The following TRHR variants were observed in gnomAD, a reference collection of about 807,000 sequenced individuals.
The protein encoded by TRHR is thyrotropin-releasing hormone receptor.
A neutral mutation model predicts 28.0 loss-of-function variants in TRHR; 14 were observed. That is an observed-to-expected ratio of 0.50 (90% CI 0.33 to 0.78). The LOEUF is 0.78. TRHR is among the 30% of genes least tolerant of loss of function. The pLI, the probability that TRHR is intolerant of heterozygous loss-of-function variation, is 0.02. For missense variants in TRHR, 438 were observed against 469.5 expected, an observed-to-expected ratio of 0.93 and a Z score of 0.62; for synonymous variants, 176 against 171.9, an observed-to-expected ratio of 1.02 and a Z score of -0.18.
chr8:109,112,055 T>A (rs1162460672), intron 2 of TRHR, among the ~76,000 whole-genome samples: 1 of 152,178 alleles, frequency 6.6e-6, no homozygotes, highest in African/African-American at 2.4e-5. Context: ...AAAAGTCATA[T>A]GACCTGCCCA....
rs1812001691 is a variant in TRHR, at chr8:109,121,094, T to TG, written c.*1640dup. ...ATTCTAGAGTGCGCTTTTTTTTTTT[T>TG]GAAAATTGGCCTTATCTACTCCAGC... On this transcript the variant is annotated 3_prime_UTR_variant, in exon 3 of 3. Coordinates refer to ENST00000518632, the MANE Select transcript of TRHR (RefSeq NM_003301.7). Among the ~76,000 whole-genome samples the TG allele has an allele frequency of 6.6e-6, 1 of 151,036 alleles. No individual in the cohort carries two copies. The highest frequency in any genetic ancestry group is 1.5e-5 in the Non-Finnish European group (1 of 67,564).
chr8:109,118,003 A>C (rs1586197460), intron 2 of TRHR, among the ~76,000 whole-genome samples: 1 of 152,016 alleles, frequency 6.6e-6, no homozygotes, highest in Non-Finnish European at 1.5e-5. Context: ...CATCCTACCT[A>C]TTGTCTTACT....
At chr8:109,098,498 T>G (rs1811628739) in intron 2 of TRHR, among the ~76,000 whole-genome samples, 1 of 152,130 alleles carries the variant, frequency 6.6e-6, no homozygotes, top group African/African-American at 2.4e-5. Flanking sequence ...GCTAGAATCA[T>G]CTAAAATGCA....
intron 2 of TRHR, among the ~76,000 whole-genome samples, chr8:109,096,873 C>T (rs1390056762): frequency 1.3e-5 from 2 of 151,956 alleles, no homozygotes; most frequent in Non-Finnish European, 2.9e-5. Context: ...CTTAGGGTCT[C>T]GGTCAAGTCC....
chr8:109,094,320 T>C (rs186502985), intron 2 of TRHR, among the ~76,000 whole-genome samples: 1 of 152,078 alleles, frequency 6.6e-6, no homozygotes, highest in Non-Finnish European at 1.5e-5. Flanking sequence ...GGTGCAATCA[T>C]AGCTTACTGC....
intron 2 of TRHR, among the ~76,000 whole-genome samples, chr8:109,100,081 C>A (rs1244242276): frequency 6.6e-6 from 1 of 152,184 alleles, no homozygotes; most frequent in African/African-American, 2.4e-5. Flanking sequence ...TGGCAATGTG[C>A]AGAATTGACA....
At chr8:109,093,400 C>CTTTTTTTTTTTTT (rs34645119) in intron 2 of TRHR, among the ~76,000 whole-genome samples, 1 of 77,394 alleles carries the variant, frequency 1.3e-5, no homozygotes, top group Non-Finnish European at 2.3e-5. Flanking sequence ...GTGCTATTTA[C>CTTTTTTTTTTTTT]TTTTTTTTTT....
intron 2 of TRHR, 23 bp downstream of exon 2, chr8:109,088,324 G>A: frequency 6.2e-7 from 1 of 1,610,730 alleles, no homozygotes; most frequent in Non-Finnish European, 8.5e-7. Flanking sequence ...GAAACTCCAA[G>A]TCAATAGAGG....
At position 109,119,436 on chromosome 8, in the gene TRHR, T is replaced by C. The variant is rs1202013392; in HGVS notation, c.1178T>C (p.Val393Ala). 4 of 1,612,080 alleles carry C rather than the reference T, an allele frequency of 2.5e-6. No homozygotes were observed. The highest frequency in any genetic ancestry group is 3.4e-6 in the Non-Finnish European group (4 of 1,178,972). Residue 393 changes from valine to alanine, a missense_variant, in exon 3 of 3, where the codon GTA becomes GCA. Coordinates refer to ENST00000518632, the MANE Select transcript of TRHR (RefSeq NM_003301.7). ...GATGACACCTGCTTGGCTTCTGAGG[T>C]ATCCTTTAGCCAAAGTTGATTCATG... ...SFDDTCLASE[V>A]SFSQS is the part of the protein sequence containing the mutation.
intron 2 of TRHR, among the ~76,000 whole-genome samples, chr8:109,116,197 G>A (rs372026911): frequency 2.0e-5 from 3 of 152,002 alleles, no homozygotes; most frequent in East Asian, 1.9e-4. Context: ...TGCTGGATTC[G>A]GTTTGCCAGT....
intron 2 of TRHR, among the ~76,000 whole-genome samples, chr8:109,109,705 A>G (rs1313114860): frequency 6.6e-6 from 1 of 152,170 alleles, no homozygotes; most frequent in East Asian, 1.9e-4. Flanking sequence ...CCTCTCTTAC[A>G]CTGAGAAATG....
At chr8:109,096,814 A>G (rs570828277) in intron 2 of TRHR, among the ~76,000 whole-genome samples, 4 of 152,186 alleles carry the variant, frequency 2.6e-5, no homozygotes, top group Middle Eastern at 6.8e-3. Context: ...AAAACATGTA[A>G]TTTTACAAAT....
At chr8:109,090,452 G>C (rs3110036) in intron 2 of TRHR, among the ~76,000 whole-genome samples, 91,870 of 152,040 alleles carry the variant, frequency 0.6, 27,903 homozygotes, top group South Asian at 0.73. Flanking sequence ...TGAGCATTTG[G>C]GGTTGTCACA....
chr8:109,087,519 A>G lies in TRHR; in HGVS notation c.7A>G (p.Asn3Asp), dbSNP rs200420761. Residue 3 changes from asparagine to aspartate, a missense_variant, in exon 2 of 3, where the codon AAC (asparagine) becomes GAC (aspartate). By Grantham distance (23) the Asn-to-Asp change is conservative. Coordinates refer to ENST00000518632, the MANE Select transcript of TRHR (RefSeq NM_003301.7). The part of the protein sequence containing the change: ME[N>D]ETVSELNQTQ... ...AAACTTTAAGCTTCTAAAGATGGAAAACGAGACAGTCAGTGAACTGAACCA... is the reference window on the plus strand; with the variant it reads ...AAACTTTAAGCTTCTAAAGATGGAAGACGAGACAGTCAGTGAACTGAACCA... The G allele has an allele frequency of 2.5e-4, 402 of 1,614,166 alleles. No homozygotes were observed. Among genetic ancestry groups the G allele is most frequent in the Middle Eastern group, 6.6e-4 (4 of 6,062 alleles).
At chr8:109,099,577 G>T (rs548920296) in intron 2 of TRHR, among the ~76,000 whole-genome samples, 2 of 152,326 alleles carry the variant, frequency 1.3e-5, no homozygotes, top group East Asian at 3.9e-4. Flanking sequence ...GAGCTGCATG[G>T]AAGTACATGA....
chr8:109,107,003 A>G (rs1811760615), intron 2 of TRHR, among the ~76,000 whole-genome samples: 1 of 152,212 alleles, frequency 6.6e-6, no homozygotes, highest in Admixed American at 6.5e-5. Flanking sequence ...ACAGGGAGAC[A>G]TGAGGGAAAG....
intron 2 of TRHR, among the ~76,000 whole-genome samples, chr8:109,116,389 C>T (rs1208898124): frequency 6.6e-6 from 1 of 152,114 alleles, no homozygotes; most frequent in Non-Finnish European, 1.5e-5. Flanking sequence ...ACCAGCTCCT[C>T]CTTGTACCTT....
intron 2 of TRHR, among the ~76,000 whole-genome samples, chr8:109,106,982 C>T (rs1811760031): frequency 6.6e-6 from 1 of 151,944 alleles, no homozygotes; most frequent in Non-Finnish European, 1.5e-5. Context: ...ACTATTAGCA[C>T]AAATGAATAG....
At chr8:109,091,371 T>C (rs1811515561) in intron 2 of TRHR, among the ~76,000 whole-genome samples, 2 of 152,194 alleles carry the variant, frequency 1.3e-5, no homozygotes, top group South Asian at 4.1e-4. Flanking sequence ...GGAGCTAGTT[T>C]TGTACAAAAT....
Sources: gnomAD v4.1 joint callset for allele counts (sites outside exome capture counted in the v4.1 genomes callset) on GRCh38, gnomAD v4.1.1 for gene constraint, MANE v1.5 for transcripts, NCBI Gene and HGNC (gene_info 2026-07-23, HGNC 2026-07-21) for gene names.